The following P2RX5 variants were observed in gnomAD, a reference collection of about 807,000 sequenced individuals.
The protein encoded by P2RX5 is purinergic receptor P2X 5, also known as P2X purinoceptor 5.
Under a neutral mutation model 54.1 loss-of-function variants are expected in P2RX5, and 46 were observed. The ratio of observed to expected loss-of-function variants is 0.85; its 90% CI spans 0.67 to 1.09. The LOEUF is 1.09. Among genes scored for constraint, P2RX5 ranks in the 50% least tolerant of loss-of-function variants. The pLI, the probability that P2RX5 is intolerant of heterozygous loss-of-function variation, is 0.00. For synonymous variants in P2RX5, 226 were observed against 226.4 expected, an observed-to-expected ratio of 1.00 and a Z score of 0.02; for missense variants, 566 against 549.8, an observed-to-expected ratio of 1.03 and a Z score of -0.29.
intron 1 of P2RX5, among the ~76,000 whole-genome samples, chr17:3,695,304 G>A (rs1460584428): frequency 6.6e-6 from 1 of 152,200 alleles, no homozygotes; most frequent in East Asian, 1.9e-4. Flanking sequence ...GCTGGGTGCA[G>A]AGATAGAGGC....
intron 6 of P2RX5, 85 bp downstream of exon 6, chr17:3,689,985 C>G: frequency 8.3e-7 from 1 of 1,208,220 alleles, no homozygotes; most frequent in Non-Finnish European, 1.2e-6. Flanking sequence ...CACACACACC[C>G]CCAGGCAGAG....
intron 11 of P2RX5, chr17:3,675,410 C>T: frequency 1.0e-6 from 1 of 985,384 alleles, no homozygotes. Context: ...TTCTGCCAGC[C>T]ATTTCGAAGT....
Position 3,690,591 on chromosome 17 carries a change from C to T in P2RX5, c.436+14G>A. 1 of 1,613,498 alleles carries T rather than the reference C, an allele frequency of 6.2e-7. No individual in the cohort carries two copies. The highest frequency in any genetic ancestry group is 8.5e-7 in the Non-Finnish European group (1 of 1,179,862). ...CGAGTCCTCCTTCAGCCCGTGGCCGCTCCAGGCCCTCACCGTTTCCAGCTG... is the reference window on the plus strand; with the variant it reads ...CGAGTCCTCCTTCAGCCCGTGGCCGTTCCAGGCCCTCACCGTTTCCAGCTG... On this transcript the variant is annotated intron_variant, in intron 4 of 11. Coordinates refer to ENST00000225328, the MANE Select transcript of P2RX5 (RefSeq NM_002561.4).
chr17:3,710,652 G>T, the P2RX5 span, among the ~76,000 whole-genome samples: 2 of 151,892 alleles, frequency 1.3e-5, no homozygotes. Flanking sequence ...AGGAGGCCGG[G>T]CGTGGCAACT....
rs141190380 is a variant in P2RX5, at chr17:3,690,671, T to C, written c.370A>G (p.Ile124Val). ...RQNVCAENEG[I>V]PDGACSKDSD... Reference sequence around the variant, plus strand: ...TCCTTGGAGCACGCGCCATCAGGAATGCCTTCATTCTGCCAGGAGAGAAGG... The same window carrying C: ...TCCTTGGAGCACGCGCCATCAGGAACGCCTTCATTCTGCCAGGAGAGAAGG... The change falls in exon 4 of 12, where the codon ATT (isoleucine) becomes GTT (valine). Residue 124 changes from isoleucine to valine, a missense_variant. Coordinates refer to ENST00000225328, the MANE Select transcript of P2RX5 (RefSeq NM_002561.4). 9.9e-6 allele frequency: 16 copies of C among 1,613,100 alleles called. No individual in the cohort carries two copies. In the African/African-American group the frequency reaches 2.1e-4, roughly 22 times the overall value.
At chr17:3,710,886 C>T in the P2RX5 span, among the ~76,000 whole-genome samples, 1 of 152,270 alleles carries the variant, frequency 6.6e-6, no homozygotes, top group South Asian at 2.1e-4. Flanking sequence ...CGAGATCGCA[C>T]CACTGCACTC....
At chr17:3,713,513 G>A in the P2RX5 span, among the ~76,000 whole-genome samples, 1 of 152,198 alleles carries the variant, frequency 6.6e-6, no homozygotes, top group African/African-American at 2.4e-5. Flanking sequence ...CACTTTGGGA[G>A]GCTGAGGCAG....
intron 10 of P2RX5, among the ~76,000 whole-genome samples, chr17:3,680,738 T>C (rs2050247654): frequency 1.0e-5 from 1 of 98,430 alleles, no homozygotes; most frequent in Non-Finnish European, 2.1e-5. Flanking sequence ...CCACCCTGCG[T>C]CCTCCACCCA....
chr17:3,720,855 T>G, the P2RX5 span, among the ~76,000 whole-genome samples: 2 of 152,134 alleles, frequency 1.3e-5, no homozygotes, highest in Non-Finnish European at 2.9e-5. Context: ...AGTGCTGGGA[T>G]TACAGGCGTG....
At chr17:3,678,809 G>T (rs1220229405) in intron 11 of P2RX5, among the ~76,000 whole-genome samples, 1 of 152,144 alleles carries the variant, frequency 6.6e-6, no homozygotes, top group Non-Finnish European at 1.5e-5. Context: ...CACTGGGAGG[G>T]GAAAAAAGGG....
At chr17:3,684,332 G>A (rs1201738230) in intron 9 of P2RX5, among the ~76,000 whole-genome samples, 5 of 152,262 alleles carry the variant, frequency 3.3e-5, no homozygotes, top group South Asian at 2.1e-4. Flanking sequence ...GGCTGGGCGC[G>A]GTGGCTCACG....
In P2RX5 at chr17:3,696,044, C is replaced by T. The variant is rs367753872; in HGVS notation, c.-39G>A. 1.6e-4 allele frequency: 257 copies of T among 1,610,092 alleles called. No homozygotes were observed. Among genetic ancestry groups the T allele is most frequent in the Non-Finnish European group, 2.1e-4 (245 of 1,178,060 alleles). On this transcript the variant is annotated 5_prime_UTR_variant, in exon 1 of 12. In the 5' UTR this introduces an upstream ATG that the reference lacks. Transcript: ENST00000225328. ...CCGGGCTTGCGGACCGCCCGGCCCACGTGCGCTCATGGGGAGCACTCGGTC... is the reference window on the plus strand; with the variant it reads ...CCGGGCTTGCGGACCGCCCGGCCCATGTGCGCTCATGGGGAGCACTCGGTC...
In P2RX5 at chr17:3,688,087, T is replaced by G; in HGVS notation, c.906A>C (p.Arg302=). The stretch of plus-strand genomic sequence containing the variant: ...TGCGGAACTCCACCCCGGCTGCGTC[T>G]CGGTAATATCTGGCAAATCTGAGGG... ...GYNFRFARYY[R]DAAGVEFRTL... is the part of the protein sequence containing the mutation. Residue 302 remains arginine, a synonymous_variant, in exon 9 of 12, where the codon CGA becomes CGC. Transcript: ENST00000225328. 6.3e-7 allele frequency: 1 copy of G among 1,599,394 alleles called. No homozygotes were observed. The highest frequency in any genetic ancestry group is 8.5e-7 in the Non-Finnish European group (1 of 1,171,206).
the P2RX5 span, among the ~76,000 whole-genome samples, chr17:3,719,535 A>C: frequency 6.6e-6 from 1 of 152,286 alleles, no homozygotes; most frequent in South Asian, 2.1e-4. Flanking sequence ...TCCACAAATC[A>C]CAGGCATCAG....
chr17:3,723,317 C>T, the P2RX5 span: 1 of 1,613,226 alleles, frequency 6.2e-7, no homozygotes, highest in African/African-American at 1.3e-5. Flanking sequence ...GAGATCTCTG[C>T]AGCCACGGTG....
At chr17:3,689,240 G>A (rs1048467681) in intron 7 of P2RX5, among the ~76,000 whole-genome samples, 1 of 144,906 alleles carries the variant, frequency 6.9e-6, no homozygotes, top group African/African-American at 2.6e-5. Flanking sequence ...GCCACGGCCT[G>A]CCTGTGTGCC....
chr17:3,688,361 CG>C (rs1251145938), intron 8 of P2RX5, among the ~76,000 whole-genome samples: 3 of 152,180 alleles, frequency 2.0e-5, no homozygotes, highest in Non-Finnish European at 4.4e-5. Context: ...CGCCAAAGCG[CG>C]GATGGAAAGG....
intron 11 of P2RX5, chr17:3,677,749 T>C: frequency 2.0e-6 from 2 of 985,250 alleles, no homozygotes; most frequent in Non-Finnish European, 2.4e-6. Context: ...CGTCAATACA[T>C]GTTTACAGCT....
chr17:3,689,928 A>G (rs1022372575), intron 6 of P2RX5, 142 bp downstream of exon 6: 43 of 860,306 alleles, frequency 5.0e-5, no homozygotes, highest in African/African-American at 1.8e-4. Flanking sequence ...ATGCACGCGC[A>G]CACACGCACA....
Sources: gnomAD v4.1 joint callset for allele counts (sites outside exome capture counted in the v4.1 genomes callset) on GRCh38, gnomAD v4.1.1 for gene constraint, MANE v1.5 for transcripts, NCBI Gene and HGNC (gene_info 2026-07-23, HGNC 2026-07-21) for gene names.